SMG1: variants seen among roughly 807,000 people sequenced by gnomAD.
The protein encoded by SMG1 is SMG1 nonsense mediated mRNA decay associated PI3K related kinase.
Under a neutral mutation model 419.9 loss-of-function variants are expected in SMG1, and 22 were observed. The ratio of observed to expected loss-of-function variants is 0.05; its 90% CI spans 0.04 to 0.07. The LOEUF (loss-of-function observed/expected upper bound fraction) is 0.07, where lower values mean the gene tolerates loss of function less well. Among genes scored for constraint, SMG1 ranks in the 10% least tolerant of loss-of-function variants. The pLI is 1.00. For missense variants in SMG1, 3,185 were observed against 4,342.0 expected, an observed-to-expected ratio of 0.73 and a Z score of 7.49; for synonymous variants, 1,538 against 1,553.5, an observed-to-expected ratio of 0.99 and a Z score of 0.23.
At chr16:18,911,571 A>G (rs1292286677) in intron 1 of SMG1, 6 of 151,400 alleles carry the variant, frequency 4.0e-5, no homozygotes, top group Admixed American at 2.0e-4. Context: ...ATCTCCACTA[A>G]TATTTTTCTA....
At chr16:18,867,013 C>G (rs539835770) in intron 22 of SMG1, among the ~76,000 whole-genome samples, 138 of 152,186 alleles carry the variant, frequency 9.1e-4, no homozygotes, top group African/African-American at 2.6e-3. Flanking sequence ...CCAAAGTTAC[C>G]CAAACATTCA....
chr16:18,920,910 G>T (rs573251277), intron 1 of SMG1, among the ~76,000 whole-genome samples: 2 of 152,046 alleles, frequency 1.3e-5, no homozygotes, highest in Non-Finnish European at 2.9e-5. Flanking sequence ...GGCCGAAGCC[G>T]GTGGATCACC....
intron 48 of SMG1, 51 bp from the exon 49 acceptor site, chr16:18,835,215 T>C (rs1287723997): frequency 6.6e-6 from 10 of 1,520,804 alleles, no homozygotes; most frequent in Non-Finnish European, 8.9e-6. Context: ...ACCCCCAACA[T>C]ACAAAAGAAT....
chr16:18,864,199 T>TTC, intron 23 of SMG1, 55 bp from the exon 24 acceptor site: 1 of 1,399,296 alleles, frequency 7.1e-7, no homozygotes. Flanking sequence ...TTTTTTTTTT[T>TTC]TTTTTTTTTT....
In SMG1 at chr16:18,828,138, G is replaced by T. The variant is rs766006958; in HGVS notation, c.9634C>A (p.Pro3212Thr). 19 of 1,613,392 alleles carry T rather than the reference G, an allele frequency of 1.2e-5. No individual in the cohort carries two copies. The highest frequency in any genetic ancestry group is 1.4e-5 in the Non-Finnish European group (17 of 1,179,662). Residue 3212 changes from proline (P) to threonine (T), a missense_variant, in exon 55 of 63, where the codon CCA (proline) becomes ACA (threonine). Pro to Thr is a conservative substitution (Grantham distance 38). Around this residue, in one of 27 missense-constraint regions of SMG1, gnomAD observed 737 missense variants for 846.6 expected, o/e 0.87. Coordinates refer to ENST00000446231, the MANE Select transcript of SMG1 (RefSeq NM_015092.5). ...GGAGGTGTGACTGACATGGCTTGTG[G>T]TCTATTGATAAGTAGATCTTCATGT... The part of the protein sequence containing the change: ...WQHEDLLINR[P>T]QAMSVTPPPR...
intron 48 of SMG1, 128 bp from the exon 49 acceptor site, chr16:18,835,292 T>A: frequency 9.6e-7 from 1 of 1,041,778 alleles, no homozygotes; most frequent in Non-Finnish European, 1.4e-6. Flanking sequence ...CAGATAAAAA[T>A]GTCTCAAGAG....
chr16:18,874,471 T>G (rs190380986), intron 13 of SMG1, among the ~76,000 whole-genome samples: 1 of 151,728 alleles, frequency 6.6e-6, no homozygotes, highest in East Asian at 1.9e-4. Flanking sequence ...AAAGAATGTT[T>G]TTCAACTCTG....
At position 18,847,893 on chromosome 16, in the gene SMG1, C is replaced by T. The variant is rs775236177; in HGVS notation, c.5764G>A (p.Asp1922Asn). ...KDEPKSGLNE[D>N]QAMMQDCYSK... ...TAACAATCCTGCATCATGGCTTGGT[C>T]TTCATTTAATCCACTTTTAGGTTCA... is the stretch of plus-strand genomic sequence containing the variant. Residue 1922 changes from aspartate to asparagine, a missense_variant, in exon 37 of 63, where the codon GAC (aspartate) becomes AAC (asparagine). Coordinates refer to ENST00000446231, the MANE Select transcript of SMG1 (RefSeq NM_015092.5). 3 of 1,614,052 alleles carry T rather than the reference C, an allele frequency of 1.9e-6. No homozygotes were observed. The highest frequency in any genetic ancestry group is 1.7e-4 in the Middle Eastern group (1 of 6,060).
intron 6 of SMG1, among the ~76,000 whole-genome samples, chr16:18,888,164 CAAAAA>C (rs991748168): frequency 9.7e-5 from 4 of 41,188 alleles, no homozygotes; most frequent in East Asian, 1.4e-3. Flanking sequence ...GACTCTGCAT[CAAAAA>C]AAAAAAAAAA....
At chr16:18,861,103 C>CA in intron 25 of SMG1, 1 of 194,356 alleles carries the variant, frequency 5.1e-6, no homozygotes, top group Non-Finnish European at 1.0e-5. Context: ...TAGACCTCTG[C>CA]AGGACAACTT....
chr16:18,844,283 G>C (rs1357860229), intron 39 of SMG1, among the ~76,000 whole-genome samples: 1 of 151,872 alleles, frequency 6.6e-6, no homozygotes, highest in African/African-American at 2.4e-5. Flanking sequence ...ACAAAAATTA[G>C]CCAAGCATGG....
chr16:18,860,626 C>T lies in SMG1; in HGVS notation c.3805+41G>A, dbSNP rs569029579. ...ATACTAAGCCAAACATTTTGAGCAA[C>T]TTGTCCACTAAAATAACTTTAAAAC... On this transcript the variant is annotated intron_variant, in intron 26 of 62. Transcript: ENST00000446231. 3.2e-5 allele frequency: 27 copies of T among 849,216 alleles called. No individual in the cohort carries two copies. The African/African-American group carries it at 4.2e-4, about 13-fold the overall frequency. 52.6% of individuals were successfully genotyped at this position (849,216 alleles called of 1,614,324 possible). A position where few individuals can be genotyped will look rare whatever the true frequency, so the allele number is the denominator to read the frequency against.
intron 3 of SMG1, among the ~76,000 whole-genome samples, chr16:18,895,734 T>C (rs1488365914): frequency 6.6e-6 from 1 of 151,824 alleles, no homozygotes; most frequent in Non-Finnish European, 1.5e-5. Context: ...TATATATATC[T>C]ATATCCTCCA....
At chr16:18,876,633 AAACTGTC>A (rs1173339022) in intron 12 of SMG1, among the ~76,000 whole-genome samples, 2 of 151,074 alleles carry the variant, frequency 1.3e-5, no homozygotes, top group East Asian at 3.9e-4. Flanking sequence ...CTATAAATGA[AAACTGTC>A]AATATGAAAT....
At chr16:18,899,026 T>C (rs2037243911) in intron 1 of SMG1, among the ~76,000 whole-genome samples, 2 of 152,168 alleles carry the variant, frequency 1.3e-5, no homozygotes, top group Non-Finnish European at 2.9e-5. Context: ...TAATGAATTA[T>C]AAAGAAACGC....
intron 1 of SMG1, among the ~76,000 whole-genome samples, chr16:18,905,867 C>A (rs2037541079): frequency 6.6e-6 from 1 of 152,254 alleles, no homozygotes; most frequent in Non-Finnish European, 1.5e-5. Context: ...CCGCCTCGGC[C>A]TCCCAAAGTG....
rs1055104670 is a variant in SMG1 at position 18,827,062 on chromosome 16, T to G, written c.9741+969A>C. 2.0e-5 allele frequency among the ~76,000 whole-genome samples: 3 copies of G among 151,868 alleles called. 1 individual carries two copies. The highest frequency in any genetic ancestry group is 4.4e-5 in the Non-Finnish European group (3 of 67,946). Reference sequence around the variant, plus strand: ...ACCCCTTTCTTTGACTCGGAGATATTTAGTATGTTTCTACTCCTGGTTCAA... The same window carrying G: ...ACCCCTTTCTTTGACTCGGAGATATGTAGTATGTTTCTACTCCTGGTTCAA... On this transcript the variant is annotated intron_variant, in intron 55 of 62. Transcript: ENST00000446231.
chr16:18,816,959 G>A (rs2032053026), intron 57 of SMG1, among the ~76,000 whole-genome samples: 1 of 151,980 alleles, frequency 6.6e-6, no homozygotes, highest in Non-Finnish European at 1.5e-5. Context: ...TCTTCCATAA[G>A]CCCTCTTTCT....
intron 11 of SMG1, chr16:18,877,942 G>A (rs1362371308): frequency 6.6e-6 from 1 of 152,204 alleles, no homozygotes; most frequent in Non-Finnish European, 1.5e-5. Context: ...TCCAGTTGGA[G>A]ATGAAAGGAT....
Sources: allele counts gnomAD v4.1 joint callset (sites outside exome capture counted in the v4.1 genomes callset), GRCh38; gene constraint gnomAD v4.1.1; regional missense constraint gnomAD v4.1.1; transcripts MANE v1.5; gene names NCBI Gene and HGNC (gene_info 2026-07-23, HGNC 2026-07-21).